EHMT2: variants seen among roughly 807,000 people sequenced by gnomAD.
The protein encoded by EHMT2 is euchromatic histone lysine methyltransferase 2, also known as histone-lysine N-methyltransferase EHMT2.
Under a neutral mutation model 143.3 loss-of-function variants are expected in EHMT2, and 59 were observed. The ratio of observed to expected loss-of-function variants is 0.41; its 90% confidence interval spans 0.33 to 0.51. The LOEUF (loss-of-function observed/expected upper bound fraction) is 0.51, where lower values mean the gene tolerates loss of function less well. Among genes scored for constraint, EHMT2 ranks in the 20% least tolerant of loss-of-function variants. EHMT2 has a pLI of 0.18. For missense variants in EHMT2, 1,174 were observed against 1,645.9 expected (o/e 0.71, Z 4.96); for synonymous variants, 604 against 651.5 (o/e 0.93, Z 1.11).
In EHMT2 at chr6:31,889,238, C is replaced by T. The variant is rs1157179606; in HGVS notation, c.1104G>A (p.Lys368=). Residue 368 remains lysine, a synonymous_variant, in exon 9 of 28, where the codon AAG becomes AAA. Coordinates refer to ENST00000375537, the Ensembl canonical transcript of EHMT2. This position sits in a 1 kb window ranked among gnomAD's most constrained non-coding sequence, Gnocchi z 5.1. ...GCAGAGCCTCCTCACCTCGTGGCTC[C>T]TTGGCCCGCGGAGGCTCCCGCTTGC... is the stretch of plus-strand genomic sequence containing the variant. 2.5e-6 allele frequency: 4 copies of T among 1,607,888 alleles called. No homozygotes were observed. In the Admixed American group the frequency reaches 6.7e-5, roughly 27 times the overall value.
intron 16 of EHMT2, 40 bp downstream of exon 16, chr6:31,886,955 G>A: frequency 1.9e-6 from 3 of 1,613,886 alleles, no homozygotes; most frequent in Non-Finnish European, 2.5e-6. Context: ...AGGGGCCTAA[G>A]GGCCTGGTGA....
Position 31,889,229 on chromosome 6 carries a change from T to C in EHMT2, c.1113A>G (p.Arg371=). The change falls in exon 9 of 28, where the codon CGA becomes CGG. Residue 371 remains arginine (R), a splice_region_variant and synonymous_variant. Transcript: ENST00000375537. This position sits in a 1 kb window ranked among gnomAD's most constrained non-coding sequence, Gnocchi z 5.1. ...CCAAAAGCAGCAGAGCCTCCTCACC[T>C]CGTGGCTCCTTGGCCCGCGGAGGCT... The C allele has an allele frequency of 6.2e-7, 1 of 1,604,838 alleles. No homozygotes were observed.
Position 31,888,435 on chromosome 6 carries a change from C to T in EHMT2, c.1437G>A (p.Val479=), listed in dbSNP as rs113973079. ...TGCGGGCGCGGTGGGTCTCACAGAG[C>T]ACCATCAGGGCCACACGGCTGGATG... Residue 479 remains valine, a synonymous_variant, in exon 12 of 28, where the codon GTG becomes GTA. Transcript: ENST00000375537. This position sits in a 1 kb window ranked among gnomAD's most constrained non-coding sequence, Gnocchi z 7.4. 0.024 allele frequency: 38,553 copies of T among 1,612,808 alleles called. 1,165 individuals are homozygous for T. The highest frequency in any genetic ancestry group is 0.11 in the South Asian group (9,744 of 91,036).
At chr6:31,895,414 G>C (rs1213864472) in intron 4 of EHMT2, 2 of 150,840 alleles carry the variant, frequency 1.3e-5, no homozygotes, top group African/African-American at 4.9e-5. Flanking sequence ...GCTCCTTCCA[G>C]AGCAGGGCTA....
rs985183989 is a variant in EHMT2, at chr6:31,881,418, G to A, written c.3198-326C>T. 5 of 465,886 alleles carry A rather than the reference G, an allele frequency of 1.1e-5. No individual in the cohort carries two copies. The highest frequency in any genetic ancestry group is 6.7e-5 in the South Asian group (3 of 44,922). 28.9% of individuals were successfully genotyped at this position (465,886 alleles called of 1,614,324 possible). On this transcript the variant is annotated intron_variant, in intron 25 of 27. Transcript: ENST00000375537. The surrounding 1 kb of genome is among the most constrained non-coding windows in gnomAD (Gnocchi z 4.8). ...CAGGAGCCACCCGGCAGGAATGGGC[G>A]ATATGGAACAGGAGAGGGGCCAGGA...
At chr6:31,885,151 C>T (rs965260794) in intron 18 of EHMT2, 135 bp from the exon 19 acceptor site, 14 of 1,219,334 alleles carry the variant, frequency 1.1e-5, no homozygotes, top group South Asian at 3.3e-5. Flanking sequence ...AGTCACTTAA[C>T]GTCTCTGGGT....
chr6:31,883,784 A>G lies in EHMT2; in HGVS notation c.2916+22T>C, dbSNP rs766584301. 30 of 1,609,988 alleles carry G rather than the reference A, an allele frequency of 1.9e-5. No individual in the cohort carries two copies. In the Admixed American group the frequency reaches 5.0e-4, roughly 27 times the overall value. ...GGCAGCTCTCGGTGTCCTTTTGGGG[A>G]GGCCCCGGGCCCCCTACTCACCTGC... On this transcript the variant is annotated intron_variant, in intron 22 of 27. Transcript: ENST00000375537. The surrounding 1 kb of genome is among the most constrained non-coding windows in gnomAD (Gnocchi z 5.6).
chr6:31,896,462 C>A, exon 4 of EHMT2: 1 of 1,613,030 alleles, frequency 6.2e-7, no homozygotes, highest in Non-Finnish European at 8.5e-7. Context: ...CTTGGCCCGG[C>A]TAGGACAGGA....
intron 7 of EHMT2, among the ~76,000 whole-genome samples, chr6:31,891,930 C>T (rs1197427779): frequency 6.6e-6 from 1 of 151,474 alleles, no homozygotes; most frequent in Non-Finnish European, 1.5e-5. Context: ...GTGGATGAAA[C>T]GGGCAGAATA....
Position 31,889,359 on chromosome 6 carries a change from G to A in EHMT2, c.1000-17C>T. On this transcript the variant is annotated splice_polypyrimidine_tract_variant and intron_variant, in intron 8 of 27. Coordinates refer to ENST00000375537, the Ensembl canonical transcript of EHMT2. This position sits in a 1 kb window ranked among gnomAD's most constrained non-coding sequence, Gnocchi z 5.1. ...GGAACCACTCTGGGAAGGGGGAGGA[G>A]GAGGAGTTAGGAACCCTCACCCCCA... The A allele has an allele frequency of 1.2e-6, 2 of 1,611,058 alleles. No homozygotes were observed. The highest frequency in any genetic ancestry group is 8.5e-7 in the Non-Finnish European group (1 of 1,179,626).
intron 18 of EHMT2, chr6:31,885,551 T>C (rs1429610066): frequency 2.6e-5 from 4 of 152,692 alleles, no homozygotes; most frequent in African/African-American, 7.2e-5. Context: ...AATTGTTCTC[T>C]TTCCAAAAAA....
chr6:31,896,106 G>T, intron 4 of EHMT2, 157 bp downstream of exon 4: 1 of 1,040,688 alleles, frequency 9.6e-7, no homozygotes, highest in Non-Finnish European at 1.4e-6. Flanking sequence ...GAACCTGTCT[G>T]TTGGTTCACA....
chr6:31,889,206 A>G lies in EHMT2; in HGVS notation c.1114+22T>C. 6.3e-7 allele frequency: 1 copy of G among 1,589,270 alleles called. No homozygotes were observed. Among genetic ancestry groups the G allele is most frequent in the South Asian group, 1.1e-5 (1 of 88,796 alleles). ...GCCGGGCGGGGGCTGGAGGGCACCC[A>G]AAAGCAGCAGAGCCTCCTCACCTCG... is the stretch of plus-strand genomic sequence containing the variant. On this transcript the variant is annotated intron_variant, in intron 9 of 27. Coordinates refer to ENST00000375537, the Ensembl canonical transcript of EHMT2. The surrounding 1 kb of genome is among the most constrained non-coding windows in gnomAD (Gnocchi z 5.1).
rs751519549 is a variant in EHMT2 at position 31,880,098 on chromosome 6, G to C, written c.3619C>G (p.Pro1207Ala). ...GTGGTCCGTTCTCATGTGTTGACAG[G>C]GGGCAGGGAGCCGAGCTCGGGCAGC... The change falls in exon 28 of 28, where the codon CCT becomes GCT. Residue 1207 changes from proline (P) to alanine (A), a missense_variant. Pro to Ala is a conservative substitution (Grantham distance 27). Around this residue, in one of 6 missense-constraint regions of EHMT2, gnomAD observed 42 missense variants for 45.1 expected, o/e 0.93. Coordinates refer to ENST00000375537, the Ensembl canonical transcript of EHMT2. This position sits in a 1 kb window ranked among gnomAD's most constrained non-coding sequence, Gnocchi z 6.6. 8.1e-6 allele frequency: 13 copies of C among 1,612,526 alleles called. No individual in the cohort carries two copies. The Admixed American group carries it at 8.3e-5, about 10-fold the overall frequency.
intron 4 of EHMT2, among the ~76,000 whole-genome samples, chr6:31,894,818 A>ATTG (rs1351742830): frequency 6.6e-6 from 1 of 150,876 alleles, no homozygotes; most frequent in Non-Finnish European, 1.5e-5. Flanking sequence ...ATTTATTATT[A>ATTG]TTATTATTAT....
intron 7 of EHMT2, among the ~76,000 whole-genome samples, chr6:31,890,984 C>T (rs868679119): frequency 1.4e-3 from 212 of 151,420 alleles, no homozygotes; most frequent in African/African-American, 4.9e-3. Context: ...CTCTTGTTGC[C>T]GAGGCTGGAG....
rs1237667760 is a variant in EHMT2 at position 31,888,218 on chromosome 6, C to T, written c.1568G>A (p.Cys523Tyr). 6.2e-7 allele frequency: 1 copy of T among 1,613,030 alleles called. No individual in the cohort carries two copies. Among genetic ancestry groups the T allele is most frequent in the Admixed American group, 1.7e-5 (1 of 60,018 alleles). The change falls in exon 13 of 28, where the codon TGT (cysteine) becomes TAT (tyrosine). Residue 523 changes from cysteine to tyrosine, a missense_variant. Around this residue, in one of 6 missense-constraint regions of EHMT2, gnomAD observed 608 missense variants for 903.7 expected, o/e 0.67. Coordinates refer to ENST00000375537, the Ensembl canonical transcript of EHMT2. The surrounding 1 kb of genome is among the most constrained non-coding windows in gnomAD (Gnocchi z 7.4). Reference sequence around the variant, plus strand: ...GACCATCCCATTCAGCTGAGACACACAGGCCTTGTGGAAGCGGTGGGCCAC... The same window carrying T: ...GACCATCCCATTCAGCTGAGACACATAGGCCTTGTGGAAGCGGTGGGCCAC...
Position 31,884,782 on chromosome 6 carries a change from C to T in EHMT2, c.2466G>A (p.Leu822=). The change falls in exon 20 of 28, where the codon CTG becomes CTA. Residue 822 remains leucine (L), a synonymous_variant. Coordinates refer to ENST00000375537, the Ensembl canonical transcript of EHMT2. The surrounding 1 kb of genome is among the most constrained non-coding windows in gnomAD (Gnocchi z 7.3). Reference sequence around the variant, plus strand: ...CGCTGCCCGTGAAGGAGGCCCAGTGCAGGCAGATGTTCTCCTCCTGTGGAG... The same window carrying T: ...CGCTGCCCGTGAAGGAGGCCCAGTGTAGGCAGATGTTCTCCTCCTGTGGAG... 1.9e-6 allele frequency: 3 copies of T among 1,600,156 alleles called. No individual in the cohort carries two copies. The highest frequency in any genetic ancestry group is 2.6e-6 in the Non-Finnish European group (3 of 1,173,708).
intron 4 of EHMT2, 73 bp downstream of exon 4, chr6:31,896,190 G>A (rs1328395689): frequency 4.6e-6 from 7 of 1,529,642 alleles, no homozygotes; most frequent in African/African-American, 1.4e-5. Flanking sequence ...TGGAGTAGAA[G>A]CCTTAAGTGA....
Sources: gnomAD v4.1 joint callset for allele counts (sites outside exome capture counted in the v4.1 genomes callset) on GRCh38, gnomAD v4.1.1 for gene constraint, gnomAD v4.1.1 regional missense constraint, Gnocchi (gnomAD v3.1) non-coding constraint, MANE v1.5 for transcripts, NCBI Gene and HGNC (gene_info 2026-07-23, HGNC 2026-07-21) for gene names.